The following FAM186B variants were observed in gnomAD, a reference collection of about 807,000 sequenced individuals.
FAM186B encodes the protein protein FAM186B.
In FAM186B, 68 loss-of-function variants were observed where a neutral mutation model predicts 83.4. The ratio of observed to expected loss-of-function variants is 0.81; its 90% confidence interval spans 0.67 to 1.00. The LOEUF (loss-of-function observed/expected upper bound fraction) is 1.00. Ranked by LOEUF, FAM186B falls within the 50% of genes least tolerant of loss-of-function variation. The probability of loss-of-function intolerance (pLI) is 0.00; values close to 1 mark genes in which losing one functional copy is unlikely to be tolerated. For synonymous variants in FAM186B, 389 were observed against 422.0 expected, an observed-to-expected ratio of 0.92 and a Z score of 0.96; for missense variants, 983 against 1,099.2, an observed-to-expected ratio of 0.89 and a Z score of 1.49.
At chr12:49,619,710 C>G in the FAM186B span, 1 of 336,620 alleles carries the variant, frequency 3.0e-6, no homozygotes, top group Non-Finnish European at 5.1e-6. Flanking sequence ...GAGTCTTGCT[C>G]TGTTGCCCAA....
the FAM186B span, among the ~76,000 whole-genome samples, chr12:49,614,077 G>C: frequency 6.6e-6 from 1 of 151,896 alleles, no homozygotes; most frequent in East Asian, 1.9e-4. Flanking sequence ...TTGAACCTGG[G>C]AGGTGGAGGT....
intron 3 of FAM186B, among the ~76,000 whole-genome samples, chr12:49,602,891 C>T (rs112173433): frequency 9.2e-5 from 14 of 152,194 alleles, no homozygotes; most frequent in Non-Finnish European, 2.1e-4. Flanking sequence ...TAACTCTAGC[C>T]CTCCTGGCCT....
upstream of FAM186B, among the ~76,000 whole-genome samples, chr12:49,607,725 A>G (rs113903668): frequency 0.11 from 17,396 of 152,190 alleles, 1,137 homozygotes; most frequent in African/African-American, 0.18. Flanking sequence ...TCTGAGACAG[A>G]GTCTTACTCT....
chr12:49,618,256 A>T, the FAM186B span, among the ~76,000 whole-genome samples: 1 of 152,102 alleles, frequency 6.6e-6, no homozygotes, highest in Admixed American at 6.6e-5. Context: ...AAGGCAGGAG[A>T]ATCACTTGAA....
the FAM186B span, among the ~76,000 whole-genome samples, chr12:49,618,985 G>A: frequency 6.6e-6 from 1 of 152,192 alleles, no homozygotes; most frequent in South Asian, 2.1e-4. Context: ...TCAGAGAGGG[G>A]AAAAGTCACC....
chr12:49,605,212 C>T (rs1592557678), intron 1 of FAM186B, 170 bp downstream of exon 1: 3 of 1,447,750 alleles, frequency 2.1e-6, no homozygotes. Flanking sequence ...CCTGTATATG[C>T]CAAGTTTAGG....
intron 2 of FAM186B, 53 bp from the exon 3 acceptor site, chr12:49,603,420 C>T (rs1265249823): frequency 6.3e-7 from 1 of 1,579,976 alleles, no homozygotes; most frequent in South Asian, 1.1e-5. Context: ...TCCAGGGGGA[C>T]ACAGACAGCC....
In FAM186B at chr12:49,600,339, G is replaced by T. The variant is rs755889962; in HGVS notation, c.1301C>A (p.Ala434Glu). Residue 434 changes from alanine to glutamate, a missense_variant, in exon 4 of 7, where the codon GCA (alanine) becomes GAA (glutamate). Transcript: ENST00000257894. This position sits in a 1 kb window ranked among gnomAD's most constrained non-coding sequence, Gnocchi z 4.3. The stretch of plus-strand genomic sequence containing the variant: ...TTTGTCTTTGTGGCCTAAGCTTTCT[G>T]CCACCGGTCTTTCCCATTTCTTAGG... ...RFPKKWERPVAESLGHKDKDQ... is the reference protein window; with the variant it reads ...RFPKKWERPVEESLGHKDKDQ... The T allele has an allele frequency of 6.2e-7, 1 of 1,614,138 alleles. No homozygotes were observed. The highest frequency in any genetic ancestry group is 8.5e-7 in the Non-Finnish European group (1 of 1,180,024).
the FAM186B span, among the ~76,000 whole-genome samples, chr12:49,620,614 G>A: frequency 6.6e-6 from 1 of 152,060 alleles, no homozygotes; most frequent in Non-Finnish European, 1.5e-5. Context: ...TTACAATAGA[G>A]CTGCATAGTA....
In FAM186B at chr12:49,600,520, TTGGGGGAAG is replaced by T. The variant is rs1314292150; in HGVS notation, c.1111_1119del (p.Leu371_Pro373del). ...CTGTCCCGTATCATGGCCATGGGAC[TTGGGGGAAG>T]TGGCGAGAACAACTGCTCCTCCTTC... On this transcript the variant is annotated inframe_deletion, in exon 4 of 7. Transcript: ENST00000257894. The surrounding 1 kb of genome is among the most constrained non-coding windows in gnomAD (Gnocchi z 4.3). 1.2e-6 allele frequency: 2 copies of T among 1,613,950 alleles called. No homozygotes were observed. The highest frequency in any genetic ancestry group is 2.7e-5 in the African/African-American group (2 of 74,936).
At chr12:49,597,262 G>T (rs1019602251) in intron 5 of FAM186B, among the ~76,000 whole-genome samples, 1 of 152,186 alleles carries the variant, frequency 6.6e-6, no homozygotes, top group Admixed American at 6.5e-5. Context: ...TGTATATACA[G>T]TGGAATATTA....
chr12:49,588,404 C>T lies in FAM186B; in HGVS notation c.2534+50G>A, dbSNP rs563237812. 3.1e-5 allele frequency: 48 copies of T among 1,567,814 alleles called. 1 individual carries two copies. In the South Asian group the frequency reaches 4.8e-4, roughly 16 times the overall value. On this transcript the variant is annotated intron_variant, in intron 6 of 6. Coordinates refer to ENST00000257894, the MANE Select transcript of FAM186B (RefSeq NM_032130.3). ...TCCCCAGGCTGGTCACCCCTGCTCC[C>T]TGCCTCTTCACCCATACAGCTGCTG...
At chr12:49,595,582 T>A in intron 5 of FAM186B, 1 of 440,958 alleles carries the variant, frequency 2.3e-6, no homozygotes, top group South Asian at 1.8e-5. Context: ...GAAATTCTTA[T>A]AAGCCCAGGG....
At chr12:49,591,158 C>T (rs1023767409) in intron 5 of FAM186B, among the ~76,000 whole-genome samples, 2 of 152,146 alleles carry the variant, frequency 1.3e-5, no homozygotes, top group Non-Finnish European at 2.9e-5. Flanking sequence ...AGCCAGCAGC[C>T]TTGCTGAGAT....
intron 1 of FAM186B, chr12:49,605,141 G>A (rs996367764): frequency 1.3e-5 from 17 of 1,339,018 alleles, no homozygotes; most frequent in Non-Finnish European, 1.6e-5. Flanking sequence ...CTATCCTCGA[G>A]CTTCCTGCCC....
chr12:49,619,976 A>T, the FAM186B span, among the ~76,000 whole-genome samples: 1 of 152,006 alleles, frequency 6.6e-6, no homozygotes, highest in African/African-American at 2.4e-5. Context: ...CACCGCGTCC[A>T]CATCTCATTA....
At chr12:49,605,828 C>T (rs1335890594), upstream of FAM186B, among the ~76,000 whole-genome samples, 1 of 143,440 alleles carries the variant, frequency 7.0e-6, no homozygotes, top group Non-Finnish European at 1.5e-5. Context: ...GGTGTGATCT[C>T]GGTCACTGCA....
chr12:49,586,991 G>C (rs543463803), downstream of FAM186B, among the ~76,000 whole-genome samples: 55 of 152,256 alleles, frequency 3.6e-4, no homozygotes, highest in Non-Finnish European at 5.3e-4. Flanking sequence ...ACAGGGCCAG[G>C]GTCACAGGAG....
chr12:49,615,608 G>A, the FAM186B span, among the ~76,000 whole-genome samples: 1 of 152,122 alleles, frequency 6.6e-6, no homozygotes, highest in Non-Finnish European at 1.5e-5. Context: ...GACCAATATG[G>A]TGAAACTCCG....
Sources: gnomAD v4.1 joint callset for allele counts (sites outside exome capture counted in the v4.1 genomes callset) on GRCh38, gnomAD v4.1.1 for gene constraint, Gnocchi (gnomAD v3.1) non-coding constraint, MANE v1.5 for transcripts, NCBI Gene and HGNC (gene_info 2026-07-23, HGNC 2026-07-21) for gene names.